The following ZNF609 variants were observed in gnomAD, a reference collection of about 807,000 sequenced individuals.
The protein encoded by ZNF609 is zinc finger protein 609.
In ZNF609, 11 loss-of-function variants were observed where a neutral mutation model predicts 109.5. That is an observed-to-expected ratio of 0.10 (90% CI 0.06 to 0.17). The LOEUF (loss-of-function observed/expected upper bound fraction) is 0.17, where lower values mean the gene tolerates loss of function less well. ZNF609 is among the 10% of genes least tolerant of loss of function. The pLI, the probability that ZNF609 is intolerant of heterozygous loss-of-function variation, is 1.00. For missense variants in ZNF609, 1,559 were observed against 1,772.4 expected (o/e 0.88, Z 2.16); for synonymous variants, 646 against 662.0 (o/e 0.98, Z 0.37).
chr15:64,599,131 A>G (rs1225286208), intron 2 of ZNF609, among the ~76,000 whole-genome samples: 2 of 148,592 alleles, frequency 1.3e-5, no homozygotes, highest in Non-Finnish European at 3.0e-5. Context: ...TAGTGCTGGC[A>G]ACTGAGCAAA....
chr15:64,569,149 A>C (rs990416573), intron 2 of ZNF609, among the ~76,000 whole-genome samples: 1 of 152,198 alleles, frequency 6.6e-6, no homozygotes, highest in Admixed American at 6.5e-5. Flanking sequence ...TCATCTTCTC[A>C]TTGAAGCTTC....
At chr15:64,478,915 A>G (rs1276995613) in intron 1 of ZNF609, among the ~76,000 whole-genome samples, 1 of 152,172 alleles carries the variant, frequency 6.6e-6, no homozygotes, top group Non-Finnish European at 1.5e-5. Flanking sequence ...ATCCAAGTGT[A>G]TGTTGTTGTT....
intron 1 of ZNF609, among the ~76,000 whole-genome samples, chr15:64,462,498 G>C (rs1892958306): frequency 6.6e-6 from 1 of 152,228 alleles, no homozygotes; most frequent in Non-Finnish European, 1.5e-5. Flanking sequence ...CCCAGGTGTG[G>C]TGGCTCATGC....
intron 3 of ZNF609, among the ~76,000 whole-genome samples, chr15:64,640,154 C>T (rs1390355784): frequency 6.7e-6 from 1 of 149,846 alleles, no homozygotes; most frequent in Non-Finnish European, 1.5e-5. Flanking sequence ...ATCTCCTGAC[C>T]TCATGAGCCA....
chr15:64,602,553 T>C (rs1895516873), intron 2 of ZNF609, among the ~76,000 whole-genome samples: 2 of 152,030 alleles, frequency 1.3e-5, no homozygotes, highest in Non-Finnish European at 2.9e-5. Flanking sequence ...TCAGACTTCT[T>C]TGTGGTCTTT....
intron 2 of ZNF609, chr15:64,500,395 T>C (rs776413756): frequency 4.2e-4 from 313 of 744,482 alleles, no homozygotes; most frequent in Non-Finnish European, 6.2e-4. Flanking sequence ...ATATTTGTTG[T>C]TGGGGGCAGC....
intron 2 of ZNF609, among the ~76,000 whole-genome samples, chr15:64,568,213 A>G (rs1017444085): frequency 1.3e-5 from 2 of 152,156 alleles, no homozygotes; most frequent in African/African-American, 2.4e-5. Context: ...CTGTAATACC[A>G]TTATTATACT....
chr15:64,647,444 A>G (rs2140995023), intron 3 of ZNF609, among the ~76,000 whole-genome samples: 1 of 152,324 alleles, frequency 6.6e-6, no homozygotes, highest in African/African-American at 2.4e-5. Flanking sequence ...GTCAAAATTC[A>G]CCAAGAGGAA....
chr15:64,499,939 G>C lies in ZNF609; in HGVS notation c.520G>C (p.Gly174Arg). 1 of 1,614,112 alleles carries C rather than the reference G, an allele frequency of 6.2e-7. No homozygotes were observed. The highest frequency in any genetic ancestry group is 8.5e-7 in the Non-Finnish European group (1 of 1,180,018). The change falls in exon 2 of 10, where the codon GGA becomes CGA. Residue 174 changes from glycine to arginine, a missense_variant. Physicochemically the swap from Gly to Arg is moderately radical, Grantham distance 125 (BLOSUM62 -2). Coordinates refer to ENST00000326648, the MANE Select transcript of ZNF609 (RefSeq NM_015042.2). ...SSKSKKERSE[G>R]VGTCSEKDPG... is the part of the protein sequence containing the mutation. Reference sequence around the variant, plus strand: ...TAAGAGCAAGAAGGAGAGAAGCGAAGGAGTGGGGACTTGTTCAGAAAAGGA... The same window carrying C: ...TAAGAGCAAGAAGGAGAGAAGCGAACGAGTGGGGACTTGTTCAGAAAAGGA...
At chr15:64,517,104 G>C (rs1051183210) in intron 2 of ZNF609, among the ~76,000 whole-genome samples, 1 of 152,124 alleles carries the variant, frequency 6.6e-6, no homozygotes, top group East Asian at 1.9e-4. Context: ...GGCTGGGTAC[G>C]CTGGCTCACT....
intron 1 of ZNF609, among the ~76,000 whole-genome samples, chr15:64,462,234 G>A (rs1185078327): frequency 6.6e-6 from 1 of 152,182 alleles, no homozygotes; most frequent in African/African-American, 2.4e-5. Flanking sequence ...TTTTTCAGAA[G>A]AATAAGGGAT....
At chr15:64,501,756 TCTC>T (rs1358701100) in intron 2 of ZNF609, 15 of 152,190 alleles carry the variant, frequency 9.9e-5, no homozygotes, top group Admixed American at 3.3e-4. Flanking sequence ...TGACCTTCAT[TCTC>T]CTATCTAAAT....
intron 2 of ZNF609, among the ~76,000 whole-genome samples, chr15:64,570,763 C>T (rs981138590): frequency 3.3e-5 from 5 of 152,056 alleles, no homozygotes; most frequent in African/African-American, 9.7e-5. Flanking sequence ...CAGTGGCTCA[C>T]ACCTGTTATC....
chr15:64,529,056 G>T, intron 2 of ZNF609: 1 of 1,284,372 alleles, frequency 7.8e-7, no homozygotes, highest in South Asian at 1.2e-5. Flanking sequence ...AGACAGGGAT[G>T]ATGTCCTGGA....
Position 64,529,221 on chromosome 15 carries a change from G to T in ZNF609, c.747+29055G>T. ...CGCTAAGCAGTTGGTGATGCAGGAG[G>T]CATTGCTGACGATCTTGAGGCTGTT... On this transcript the variant is annotated intron_variant, in intron 2 of 9. Coordinates refer to ENST00000326648, the MANE Select transcript of ZNF609 (RefSeq NM_015042.2). 3 of 723,458 alleles carry T rather than the reference G, an allele frequency of 4.1e-6. No homozygotes were observed. In the South Asian group the frequency reaches 4.2e-5, roughly 10 times the overall value. 44.8% of individuals were successfully genotyped at this position (723,458 alleles called of 1,614,324 possible).
intron 3 of ZNF609, among the ~76,000 whole-genome samples, chr15:64,645,087 C>T (rs1233463386): frequency 2.4e-5 from 1 of 41,086 alleles, no homozygotes; most frequent in African/African-American, 7.9e-5. Context: ...CTTTCTTTCC[C>T]TCCCTCCCTC....
At chr15:64,509,648 G>A (rs551667191) in intron 2 of ZNF609, among the ~76,000 whole-genome samples, 1 of 152,340 alleles carries the variant, frequency 6.6e-6, no homozygotes, top group Admixed American at 6.5e-5. Flanking sequence ...TGTTTGATTG[G>A]TCAGTTTGGA....
In ZNF609 at chr15:64,478,000, C is replaced by G. The variant is rs561436189; in HGVS notation, c.-128+17162C>G. 3.3e-5 allele frequency among the ~76,000 whole-genome samples: 5 copies of G among 152,296 alleles called. No individual in the cohort carries two copies. The South Asian group carries it at 1.0e-3, about 32-fold the overall frequency. Reference sequence around the variant, plus strand: ...GACATCAAGCTCTCAGCCTGTTACACTATATGCCATTTGATGTAGCTGAGG... The same window carrying G: ...GACATCAAGCTCTCAGCCTGTTACAGTATATGCCATTTGATGTAGCTGAGG... On this transcript the variant is annotated intron_variant, in intron 1 of 9. Transcript: ENST00000326648.
intron 2 of ZNF609, among the ~76,000 whole-genome samples, chr15:64,549,735 C>T (rs960591269): frequency 6.6e-6 from 1 of 151,962 alleles, no homozygotes; most frequent in African/African-American, 2.4e-5. Flanking sequence ...TAAAATTTAC[C>T]ATCTTAACCA....
Sources: gnomAD v4.1 joint callset for allele counts (sites outside exome capture counted in the v4.1 genomes callset) on GRCh38, gnomAD v4.1.1 for gene constraint, MANE v1.5 for transcripts, NCBI Gene and HGNC (gene_info 2026-07-23, HGNC 2026-07-21) for gene names.